SMARCAD1: variants seen among roughly 807,000 people sequenced by gnomAD.
The protein encoded by SMARCAD1 is SWI/SNF-related matrix-associated actin-dependent regulator of chromatin subfamily A containing DEAD/H box 1.
A neutral mutation model predicts 127.1 loss-of-function variants in SMARCAD1; 25 were observed. The observed-to-expected ratio is 0.20, with a 90% confidence interval of 0.14 to 0.27. The LOEUF (loss-of-function observed/expected upper bound fraction) is 0.27, where lower values mean the gene tolerates loss of function less well. Ranked by LOEUF, SMARCAD1 falls within the 10% of genes least tolerant of loss-of-function variation. SMARCAD1 has a pLI of 1.00. For missense variants in SMARCAD1, 807 were observed against 1,206.0 expected (o/e 0.67, Z 4.90); for synonymous variants, 400 against 396.9 (o/e 1.01, Z -0.09).
intron 9 of SMARCAD1, among the ~76,000 whole-genome samples, chr4:94,264,197 G>T (rs1024744401): frequency 6.6e-6 from 1 of 151,668 alleles, no homozygotes; most frequent in African/African-American, 2.4e-5. Flanking sequence ...AAACTTGAGG[G>T]GCTATACTTT....
At chr4:94,268,260 A>T (rs1165728930) in intron 10 of SMARCAD1, among the ~76,000 whole-genome samples, 1 of 152,192 alleles carries the variant, frequency 6.6e-6, no homozygotes, top group Non-Finnish European at 1.5e-5. Flanking sequence ...GTAGTTTTTT[A>T]AATTTCCTCA....
chr4:94,275,158 A>T (rs1422022548), intron 14 of SMARCAD1, among the ~76,000 whole-genome samples, 193 bp downstream of exon 14: 1 of 152,200 alleles, frequency 6.6e-6, no homozygotes, highest in East Asian at 1.9e-4. Context: ...TTTGTTAGTG[A>T]ATCACCTCAT....
intron 6 of SMARCAD1, 27 bp downstream of exon 6, chr4:94,241,033 C>A: frequency 6.5e-7 from 1 of 1,540,888 alleles, no homozygotes; most frequent in Non-Finnish European, 9.0e-7. Flanking sequence ...ATTACAGTAT[C>A]AAAATTGGCT....
At chr4:94,265,679 C>T (rs962650586) in intron 10 of SMARCAD1, among the ~76,000 whole-genome samples, 2 of 151,628 alleles carry the variant, frequency 1.3e-5, no homozygotes, top group African/African-American at 2.4e-5. Flanking sequence ...GTTCAGAATA[C>T]TTCCCTTTTT....
chr4:94,238,504 T>G (rs543128053), intron 5 of SMARCAD1, among the ~76,000 whole-genome samples: 46 of 152,296 alleles, frequency 3.0e-4, no homozygotes, highest in African/African-American at 9.1e-4. Context: ...GAGGTGAATG[T>G]TAGCTGTGTC....
intron 7 of SMARCAD1, among the ~76,000 whole-genome samples, chr4:94,250,048 G>T (rs918802437): frequency 2.0e-5 from 3 of 151,642 alleles, no homozygotes; most frequent in African/African-American, 7.3e-5. Context: ...CTGTAACCCT[G>T]CCCCCATCAA....
At chr4:94,258,304 A>G (rs552114659) in intron 9 of SMARCAD1, among the ~76,000 whole-genome samples, 18 of 151,988 alleles carry the variant, frequency 1.2e-4, no homozygotes, top group Non-Finnish European at 2.1e-4. Flanking sequence ...ACAGGCGTCT[A>G]CCACCACACC....
rs1213257059 is a variant in SMARCAD1 at position 94,252,597 on chromosome 4, TTTTGTC to T, written c.890-15_890-10del. On this transcript the variant is annotated splice_polypyrimidine_tract_variant and intron_variant, in intron 8 of 23. Transcript: ENST00000354268. The stretch of plus-strand genomic sequence containing the variant: ...TATGTATTTCTAATTTAGTTACTGT[TTTTGTC>T]TTTTATATACAGATATGCAATATGT... 1 of 1,481,930 alleles carries T rather than the reference TTTTGTC, an allele frequency of 6.7e-7. No individual in the cohort carries two copies. Among genetic ancestry groups the T allele is most frequent in the Non-Finnish European group, 9.1e-7 (1 of 1,104,134 alleles). 91.8% of individuals were successfully genotyped at this position (1,481,930 alleles called of 1,614,324 possible).
At chr4:94,221,967 C>T (rs765496040) in intron 2 of SMARCAD1, among the ~76,000 whole-genome samples, 2 of 152,164 alleles carry the variant, frequency 1.3e-5, no homozygotes, top group Non-Finnish European at 2.9e-5. Flanking sequence ...TTAGGGGAGT[C>T]ACTAGGAGAC....
intron 9 of SMARCAD1, among the ~76,000 whole-genome samples, chr4:94,259,509 G>A (rs888745547): frequency 2.6e-5 from 4 of 152,122 alleles, no homozygotes; most frequent in African/African-American, 9.7e-5. Context: ...CTGTGTGGGA[G>A]GGGAGAGGTA....
chr4:94,229,009 G>A (rs190382731), intron 3 of SMARCAD1, among the ~76,000 whole-genome samples: 20 of 151,902 alleles, frequency 1.3e-4, no homozygotes, highest in South Asian at 8.3e-4. Flanking sequence ...ATCTTGTGTC[G>A]TCCTCAGTGT....
At chr4:94,265,279 C>T (rs1017535625) in intron 10 of SMARCAD1, among the ~76,000 whole-genome samples, 4 of 151,848 alleles carry the variant, frequency 2.6e-5, no homozygotes, top group East Asian at 1.9e-4. Flanking sequence ...ATTGCATCAG[C>T]GTAAAACCTC....
intron 8 of SMARCAD1, among the ~76,000 whole-genome samples, chr4:94,251,036 A>G (rs1170053584): frequency 6.6e-6 from 1 of 152,300 alleles, no homozygotes; most frequent in East Asian, 1.9e-4. Context: ...CATAGTGTAA[A>G]ACAAAACAAT....
intron 9 of SMARCAD1, among the ~76,000 whole-genome samples, chr4:94,255,759 A>G (rs1008300924): frequency 2.0e-5 from 3 of 152,104 alleles, no homozygotes; most frequent in Non-Finnish European, 4.4e-5. Flanking sequence ...TTTAAAGTAT[A>G]TTACCTAAAA....
intron 5 of SMARCAD1, among the ~76,000 whole-genome samples, chr4:94,237,635 A>G (rs990923329): frequency 6.6e-6 from 1 of 152,114 alleles, no homozygotes; most frequent in Non-Finnish European, 1.5e-5. Context: ...TCCTGCTTAT[A>G]TACACTGGCA....
rs1337057296 is a variant in SMARCAD1 at position 94,241,768 on chromosome 4, G to A, written c.705+762G>A. Among the ~76,000 whole-genome samples the A allele has an allele frequency of 6.6e-5, 10 of 152,232 alleles. No homozygotes were observed. The South Asian group carries it at 1.9e-3, about 28-fold the overall frequency. On this transcript the variant is annotated intron_variant, in intron 6 of 23. Coordinates refer to ENST00000354268, the MANE Select transcript of SMARCAD1 (RefSeq NM_020159.5). ...GTTCCTTGCAGGTTGAGCACTGACC[G>A]TAACAATAGCCAGATTAATCTTGGT...
intron 9 of SMARCAD1, among the ~76,000 whole-genome samples, chr4:94,261,923 T>G (rs1214737955): frequency 6.6e-6 from 1 of 152,242 alleles, no homozygotes; most frequent in Non-Finnish European, 1.5e-5. Flanking sequence ...TTATTGTTTT[T>G]TGGCAGTTAA....
At chr4:94,269,603 T>C (rs1752244857) in intron 10 of SMARCAD1, among the ~76,000 whole-genome samples, 2 of 152,048 alleles carry the variant, frequency 1.3e-5, no homozygotes, top group Admixed American at 6.6e-5. Context: ...CTATGTATAA[T>C]AGATGTTCAA....
Position 94,283,152 on chromosome 4 carries a change from A to G in SMARCAD1, c.2758A>G (p.Met920Val), listed in dbSNP as rs1185689986. Residue 920 changes from methionine (M) to valine (V), a missense_variant, in exon 22 of 24, where the codon ATG becomes GTG. Physicochemically the swap from Met to Val is conservative, Grantham distance 21. Transcript: ENST00000354268. ...IHLIDEFNTD[M>V]DIFVFLLSTK... ...TCTAATTGATGAGTTTAATACCGAT[A>G]TGGATATCTTTGTGTTTCTGCTATC... 7 of 1,613,630 alleles carry G rather than the reference A, an allele frequency of 4.3e-6. No individual in the cohort carries two copies. The highest frequency in any genetic ancestry group is 5.1e-6 in the Non-Finnish European group (6 of 1,179,882).
Sources: gnomAD v4.1 joint callset for allele counts (sites outside exome capture counted in the v4.1 genomes callset) on GRCh38, gnomAD v4.1.1 for gene constraint, MANE v1.5 for transcripts, NCBI Gene and HGNC (gene_info 2026-07-23, HGNC 2026-07-21) for gene names.